TSPAN9: variants seen among roughly 807,000 people sequenced by gnomAD.
TSPAN9 encodes tetraspanin-9.
TSPAN9 carries 16 observed loss-of-function variants against 31.0 expected under a neutral mutation model. The observed-to-expected ratio is 0.52, with a 90% CI of 0.35 to 0.78. TSPAN9 has a LOEUF of 0.78. TSPAN9 is among the 30% of genes least tolerant of loss of function. The pLI is 0.01. For synonymous variants in TSPAN9, 145 were observed against 121.6 expected, an observed-to-expected ratio of 1.19 and a Z score of -1.27; for missense variants, 272 against 312.5, an observed-to-expected ratio of 0.87 and a Z score of 0.98.
intron 2 of TSPAN9, among the ~76,000 whole-genome samples, chr12:3,176,125 C>T (rs907852905): frequency 6.6e-6 from 1 of 152,208 alleles, no homozygotes; most frequent in African/African-American, 2.4e-5. Flanking sequence ...ATCCATTTGT[C>T]CCCTGCTGTG....
chr12:3,134,808 C>T (rs947016147), intron 2 of TSPAN9, among the ~76,000 whole-genome samples: 1 of 152,092 alleles, frequency 6.6e-6, no homozygotes, highest in African/African-American at 2.4e-5. Context: ...GGAAGGTGGA[C>T]GTATAGTCAG....
chr12:3,235,231 T>A (rs1308578365), intron 3 of TSPAN9, among the ~76,000 whole-genome samples: 4 of 12,228 alleles, frequency 3.3e-4, no homozygotes, highest in Non-Finnish European at 4.1e-4. Context: ...TATATATATA[T>A]ATATATATAT....
intron 3 of TSPAN9, among the ~76,000 whole-genome samples, chr12:3,235,069 A>G (rs2098392654): frequency 6.7e-6 from 1 of 148,472 alleles, no homozygotes; most frequent in African/African-American, 2.5e-5. Context: ...CGGGAGGCTG[A>G]GGCGGGAGAA....
At chr12:3,084,876 C>T (rs2098299643) in intron 2 of TSPAN9, among the ~76,000 whole-genome samples, 1 of 152,222 alleles carries the variant, frequency 6.6e-6, no homozygotes, top group African/African-American at 2.4e-5. Context: ...TCTTAACTGA[C>T]TCTGGGAATC....
chr12:3,247,315 C>A lies in TSPAN9; in HGVS notation c.64-31106C>A, dbSNP rs1338535837. On this transcript the variant is annotated intron_variant, in intron 3 of 8. Coordinates refer to ENST00000011898, the MANE Select transcript of TSPAN9 (RefSeq NM_006675.5). The stretch of plus-strand genomic sequence containing the variant: ...TACTGGCCAGCCCCCCCCCCCCCGC[C>A]ACCCGCGTCCCCAAGTAGAGTGAGT... Among the ~76,000 whole-genome samples the A allele has an allele frequency of 5.1e-4, 57 of 111,586 alleles. 2 individuals are homozygous for A. In the South Asian group the frequency reaches 0.013, roughly 25 times the overall value. The allele number at this position is 111,586 out of a possible 152,430, so 73.2% of individuals were successfully genotyped here.
Position 3,278,587 on chromosome 12 carries a change from A to G in TSPAN9, c.230A>G (p.Lys77Arg). 6.2e-7 allele frequency: 1 copy of G among 1,614,084 alleles called. No homozygotes were observed. The highest frequency in any genetic ancestry group is 8.5e-7 in the Non-Finnish European group (1 of 1,179,998). ...TGFLGCLGAI[K>R]ENKCLLLSFF... ...TTCCTCGGCTGCCTGGGGGCCATCA[A>G]GGAAAACAAGTGCCTCCTCCTCAGC... Residue 77 changes from lysine (K) to arginine (R), a missense_variant, in exon 4 of 9, where the codon AAG (lysine) becomes AGG (arginine). Lys to Arg is a conservative substitution (Grantham distance 26). Coordinates refer to ENST00000011898, the MANE Select transcript of TSPAN9 (RefSeq NM_006675.5).
intron 2 of TSPAN9, among the ~76,000 whole-genome samples, chr12:3,176,793 G>A (rs542612054): frequency 9.3e-4 from 142 of 152,282 alleles, no homozygotes; most frequent in Non-Finnish European, 1.7e-3. Flanking sequence ...GCTGAGAATC[G>A]TGCACCTTTC....
At chr12:3,268,681 TCTGTGTTCCTGCAGCCTGCCCTCC>T (rs1862595190) in intron 3 of TSPAN9, among the ~76,000 whole-genome samples, 1 of 85,646 alleles carries the variant, frequency 1.2e-5, no homozygotes, top group Admixed American at 1.2e-4. Context: ...GCCTGCCCTC[TCTGTGTTCCTGCAGCCTGCCCTCC>T]GTGCGTTCCT....
intron 2 of TSPAN9, among the ~76,000 whole-genome samples, chr12:3,149,395 C>T (rs1280829767): frequency 6.6e-6 from 1 of 152,214 alleles, no homozygotes; most frequent in Non-Finnish European, 1.5e-5. Flanking sequence ...GCCTTGCCTT[C>T]TTCTCTCTTT....
rs1485698200 is a variant in TSPAN9, at chr12:3,105,770, A to ACG, written c.-18+22053_-18+22054dup. 2.4e-3 allele frequency among the ~76,000 whole-genome samples: 75 copies of ACG among 31,890 alleles called. 1 individual carries two copies. In the East Asian group the frequency reaches 0.32, roughly 136 times the overall value. 20.9% of individuals were successfully genotyped at this position (31,890 alleles called of 152,430 possible). Reference sequence around the variant, plus strand: ...CACTCACACACACGCACACACGCGCACGCACACACGCTCATACACACTCAC... The same window carrying ACG: ...CACTCACACACACGCACACACGCGCACGCGCACACACGCTCATACACACTCAC... On this transcript the variant is annotated intron_variant, in intron 2 of 8. Coordinates refer to ENST00000011898, the MANE Select transcript of TSPAN9 (RefSeq NM_006675.5).
rs561387694 is a variant in TSPAN9, at chr12:3,147,752, G to T, written c.-17-53425G>T. Among the ~76,000 whole-genome samples the T allele has an allele frequency of 7.0e-4, 106 of 152,342 alleles. No homozygotes were observed. Among genetic ancestry groups the T allele is most frequent in the African/African-American group, 2.5e-3 (102 of 41,574 alleles). ...AGGTGGCCACATGTTGCTAGTGGCT[G>T]CCACGTCGGACGGTACTGTTCTAGA... On this transcript the variant is annotated intron_variant, in intron 2 of 8. Transcript: ENST00000011898. The surrounding 1 kb of genome is among the most constrained non-coding windows in gnomAD (Gnocchi z 4.3).
chr12:3,124,015 G>A (rs2098326264), intron 2 of TSPAN9, among the ~76,000 whole-genome samples: 1 of 152,218 alleles, frequency 6.6e-6, no homozygotes, highest in Admixed American at 6.5e-5. Context: ...TGCCTCTGAT[G>A]TAAGATACAA....
rs1307708520 is a variant in TSPAN9 at position 3,168,087 on chromosome 12, A to G, written c.-17-33090A>G. Among the ~76,000 whole-genome samples the G allele has an allele frequency of 6.6e-6, 1 of 151,954 alleles. No individual in the cohort carries two copies. The highest frequency in any genetic ancestry group is 1.5e-5 in the Non-Finnish European group (1 of 67,996). On this transcript the variant is annotated intron_variant, in intron 2 of 8. Coordinates refer to ENST00000011898, the MANE Select transcript of TSPAN9 (RefSeq NM_006675.5). This position sits in a 1 kb window ranked among gnomAD's most constrained non-coding sequence, Gnocchi z 4.0. The stretch of plus-strand genomic sequence containing the variant: ...GCAGCAGGAGATACCCTCCCATGTC[A>G]CTCATTCTGTGCCACAGAAGCCCAG...
intron 2 of TSPAN9, among the ~76,000 whole-genome samples, chr12:3,157,446 A>T (rs775627907): frequency 6.6e-6 from 1 of 152,118 alleles, no homozygotes; most frequent in Non-Finnish European, 1.5e-5. Flanking sequence ...AGCTAGACAC[A>T]TGTGGGTTCA....
At chr12:3,268,434 T>C (rs1862584877) in intron 3 of TSPAN9, among the ~76,000 whole-genome samples, 1 of 144,948 alleles carries the variant, frequency 6.9e-6, no homozygotes, top group African/African-American at 2.5e-5. Flanking sequence ...TCCTGCAGCC[T>C]GCCCTCCGTG....
At chr12:3,126,557 G>C (rs2098327463) in intron 2 of TSPAN9, among the ~76,000 whole-genome samples, 1 of 152,184 alleles carries the variant, frequency 6.6e-6, no homozygotes, top group African/African-American at 2.4e-5. Flanking sequence ...TGGTACCCCT[G>C]TATTAGGCTG....
At chr12:3,215,162 T>G (rs564348154) in intron 3 of TSPAN9, 1 of 152,394 alleles carries the variant, frequency 6.6e-6, no homozygotes, top group African/African-American at 2.4e-5. Flanking sequence ...GAACCTGTCC[T>G]ACCCGCTTCT....
At chr12:3,137,308 A>G (rs1295807247) in intron 2 of TSPAN9, among the ~76,000 whole-genome samples, 1 of 152,080 alleles carries the variant, frequency 6.6e-6, no homozygotes, top group African/African-American at 2.4e-5. Flanking sequence ...TCCCCGGGCC[A>G]CGCTCTCCTG....
intron 1 of TSPAN9, among the ~76,000 whole-genome samples, chr12:3,079,421 A>G (rs1359136254): frequency 1.3e-5 from 2 of 152,140 alleles, no homozygotes; most frequent in African/African-American, 4.8e-5. Flanking sequence ...GCCTTGTGCC[A>G]TCTATTCTGC....
Sources: gnomAD v4.1 joint callset for allele counts (sites outside exome capture counted in the v4.1 genomes callset) on GRCh38, gnomAD v4.1.1 for gene constraint, Gnocchi (gnomAD v3.1) non-coding constraint, MANE v1.5 for transcripts, NCBI Gene and HGNC (gene_info 2026-07-23, HGNC 2026-07-21) for gene names.